The following GLRA3 variants were observed in gnomAD, a reference collection of about 807,000 sequenced individuals.
GLRA3 encodes glycine receptor subunit alpha-3.
In GLRA3, 44 loss-of-function variants were observed where a neutral mutation model predicts 60.4. The ratio of observed to expected loss-of-function variants is 0.73; its 90% CI spans 0.57 to 0.94. GLRA3 has a LOEUF of 0.94. Ranked by LOEUF, GLRA3 falls within the 40% of genes least tolerant of loss-of-function variation. GLRA3 has a pLI of 0.00. For synonymous variants in GLRA3, 223 were observed against 192.9 expected (o/e 1.16, Z -1.29); for missense variants, 508 against 564.6 (o/e 0.90, Z 1.02).
intron 5 of GLRA3, among the ~76,000 whole-genome samples, chr4:174,706,524 CAAT>C: frequency 6.6e-6 from 1 of 152,148 alleles, no homozygotes; most frequent in South Asian, 2.1e-4. Flanking sequence ...CCAAAAGTAA[CAAT>C]AAATATTTTC....
chr4:174,702,310 T>A (rs1579472490), intron 5 of GLRA3, among the ~76,000 whole-genome samples: 1 of 152,286 alleles, frequency 6.6e-6, no homozygotes, highest in East Asian at 1.9e-4. Flanking sequence ...TATTTAAAAA[T>A]TAAGATATGT....
chr4:174,654,624 G>A (rs1733131395), intron 9 of GLRA3, among the ~76,000 whole-genome samples: 1 of 152,084 alleles, frequency 6.6e-6, no homozygotes, highest in Non-Finnish European at 1.5e-5. Context: ...TGTGGAGGAA[G>A]CTACATGAAA....
chr4:174,815,519 T>C (rs1329482774), intron 1 of GLRA3, among the ~76,000 whole-genome samples: 2 of 152,242 alleles, frequency 1.3e-5, no homozygotes, highest in Non-Finnish European at 2.9e-5. Context: ...AGCAAACTTC[T>C]GCCTCATCAT....
chr4:174,769,277 T>C (rs1561106357), intron 2 of GLRA3, among the ~76,000 whole-genome samples: 1 of 152,122 alleles, frequency 6.6e-6, no homozygotes, highest in East Asian at 1.9e-4. Context: ...GTCTTCCTGT[T>C]ATCCAATATT....
chr4:174,657,414 A>G (rs1733253082), intron 8 of GLRA3, among the ~76,000 whole-genome samples: 1 of 152,162 alleles, frequency 6.6e-6, no homozygotes, highest in African/African-American at 2.4e-5. Context: ...AAATTGTATA[A>G]GGAGAAGGAA....
chr4:174,810,940 C>T (rs1266147162), intron 1 of GLRA3, among the ~76,000 whole-genome samples: 1 of 152,138 alleles, frequency 6.6e-6, no homozygotes, highest in Admixed American at 6.6e-5. Context: ...GGTATTGTTG[C>T]TCCTAGCTTC....
chr4:174,813,102 T>C (rs77350039), intron 1 of GLRA3, among the ~76,000 whole-genome samples: 2,091 of 152,270 alleles, frequency 0.014, 54 homozygotes, highest in African/African-American at 0.048. Context: ...ACTGCCAACC[T>C]TCATGCTCAT....
intron 2 of GLRA3, among the ~76,000 whole-genome samples, chr4:174,782,712 T>A (rs1292200476): frequency 2.0e-5 from 3 of 152,168 alleles, no homozygotes; most frequent in African/African-American, 7.2e-5. Flanking sequence ...TGAAATCCCA[T>A]TCACAATTGT....
At chr4:174,828,173 T>C (rs1193603048) in intron 1 of GLRA3, among the ~76,000 whole-genome samples, 1 of 152,156 alleles carries the variant, frequency 6.6e-6, no homozygotes, top group Non-Finnish European at 1.5e-5. Flanking sequence ...ATTCCTGACA[T>C]AGAACATATC....
intron 7 of GLRA3, among the ~76,000 whole-genome samples, chr4:174,664,729 C>T (rs951900010): frequency 6.6e-6 from 1 of 152,122 alleles, no homozygotes; most frequent in African/African-American, 2.4e-5. Context: ...TCTTCATTTG[C>T]TTTCTGTTAA....
Position 174,642,927 on chromosome 4 carries a change from C to A in GLRA3, c.*859G>T. ...ATATAAAAGTCTTACTGAATTTTGTCCTGTTATATCAAATTATTAAACACA... is the reference window on the plus strand; with the variant it reads ...ATATAAAAGTCTTACTGAATTTTGTACTGTTATATCAAATTATTAAACACA... On this transcript the variant is annotated 3_prime_UTR_variant, in exon 10 of 10. Coordinates refer to ENST00000274093, the MANE Select transcript of GLRA3 (RefSeq NM_006529.4). 1 of 782,084 alleles carries A rather than the reference C, an allele frequency of 1.3e-6. No individual in the cohort carries two copies. The highest frequency in any genetic ancestry group is 1.6e-6 in the Non-Finnish European group (1 of 645,070). 48.4% of individuals were successfully genotyped at this position (782,084 alleles called of 1,614,324 possible).
intron 1 of GLRA3, among the ~76,000 whole-genome samples, chr4:174,810,229 C>A (rs1019394201): frequency 6.6e-6 from 1 of 151,960 alleles, no homozygotes; most frequent in Non-Finnish European, 1.5e-5. Context: ...GAGCAAAGGA[C>A]AATCAGAAGT....
intron 1 of GLRA3, among the ~76,000 whole-genome samples, chr4:174,813,083 T>A (rs1438296401): frequency 6.6e-6 from 1 of 152,162 alleles, no homozygotes; most frequent in Non-Finnish European, 1.5e-5. Flanking sequence ...GTGAAAAATA[T>A]AAGCCAACAC....
intron 4 of GLRA3, among the ~76,000 whole-genome samples, chr4:174,716,342 C>T (rs189635199): frequency 6.1e-4 from 93 of 152,226 alleles, no homozygotes; most frequent in African/African-American, 2.1e-3. Flanking sequence ...ACCAGTATTC[C>T]GCTCATTGGA....
At chr4:174,747,862 C>T (rs1283781377) in intron 3 of GLRA3, among the ~76,000 whole-genome samples, 1 of 152,052 alleles carries the variant, frequency 6.6e-6, no homozygotes, top group Non-Finnish European at 1.5e-5. Flanking sequence ...GTTAATCTTG[C>T]CTTTAACATT....
intron 5 of GLRA3, among the ~76,000 whole-genome samples, chr4:174,699,316 AACTT>A (rs1345888211): frequency 6.6e-6 from 1 of 152,078 alleles, no homozygotes; most frequent in African/African-American, 2.4e-5. Flanking sequence ...TTACTTTTTA[AACTT>A]ACTTTTTAAA....
chr4:174,739,779 A>T (rs143988605), intron 3 of GLRA3, among the ~76,000 whole-genome samples: 1 of 152,266 alleles, frequency 6.6e-6, no homozygotes, highest in African/African-American at 2.4e-5. Flanking sequence ...TTTACCGAAA[A>T]GGAAAGATGA....
At chr4:174,812,543 G>A (rs1342841871) in intron 1 of GLRA3, among the ~76,000 whole-genome samples, 2 of 151,842 alleles carry the variant, frequency 1.3e-5, no homozygotes, top group Admixed American at 1.3e-4. Context: ...TAGAACAAAG[G>A]AGAAAATTAA....
At chr4:174,751,061 GTCTATCTATCTATCTATCTA>G (rs901405538) in intron 3 of GLRA3, among the ~76,000 whole-genome samples, 3 of 139,464 alleles carry the variant, frequency 2.2e-5, no homozygotes, top group African/African-American at 8.1e-5. Flanking sequence ...CTGTCTGTCT[GTCTATCTATCTATCTATCTA>G]TCTATCTATC....
Sources: allele counts gnomAD v4.1 joint callset (sites outside exome capture counted in the v4.1 genomes callset), GRCh38; gene constraint gnomAD v4.1.1; transcripts MANE v1.5; gene names NCBI Gene and HGNC (gene_info 2026-07-23, HGNC 2026-07-21).